Variants in GRIN2A observed in about 807,000 individuals in gnomAD.
GRIN2A encodes the protein glutamate ionotropic receptor NMDA type subunit 2A.
In GRIN2A, 22 loss-of-function variants were observed where a neutral mutation model predicts 113.4. That is an observed-to-expected ratio of 0.19 (90% CI 0.14 to 0.28). GRIN2A has a LOEUF of 0.28. GRIN2A is among the 10% of genes least tolerant of loss of function. GRIN2A has a pLI of 1.00. For missense variants in GRIN2A, 1,502 were observed against 1,887.0 expected, an observed-to-expected ratio of 0.80 and a Z score of 3.78; for synonymous variants, 827 against 738.4, an observed-to-expected ratio of 1.12 and a Z score of -1.94.
At chr16:9,902,387 G>A (rs1439491823) in intron 3 of GRIN2A, among the ~76,000 whole-genome samples, 1 of 152,208 alleles carries the variant, frequency 6.6e-6, no homozygotes, top group Non-Finnish European at 1.5e-5. Flanking sequence ...TTATGATGTG[G>A]AAGCCACTGG....
intron 2 of GRIN2A, among the ~76,000 whole-genome samples, chr16:10,078,557 G>A (rs1040576120): frequency 7.9e-5 from 12 of 152,070 alleles, no homozygotes; most frequent in Admixed American, 5.9e-4. Context: ...CACCTGGCAG[G>A]CCCCCAGCCC....
intron 2 of GRIN2A, among the ~76,000 whole-genome samples, chr16:10,082,990 A>G (rs1428381928): frequency 1.3e-5 from 2 of 152,206 alleles, no homozygotes; most frequent in African/African-American, 4.8e-5. Flanking sequence ...GGCTGACTTG[A>G]TCACAGCATG....
chr16:10,104,886 A>G (rs1388307674), intron 2 of GRIN2A, among the ~76,000 whole-genome samples: 2 of 152,184 alleles, frequency 1.3e-5, no homozygotes, highest in African/African-American at 2.4e-5. Context: ...GATTGACAGG[A>G]AAACCAAAAT....
chr16:10,164,178 T>G (rs1461651837), intron 2 of GRIN2A, among the ~76,000 whole-genome samples: 1 of 152,242 alleles, frequency 6.6e-6, no homozygotes, highest in Non-Finnish European at 1.5e-5. Context: ...CCAATGTGTT[T>G]ACTCACAACC....
chr16:9,846,128 A>C (rs896326180), intron 5 of GRIN2A, among the ~76,000 whole-genome samples: 1 of 152,210 alleles, frequency 6.6e-6, no homozygotes, highest in African/African-American at 2.4e-5. Flanking sequence ...GGTCTGTTTC[A>C]CACAATTATG....
At chr16:10,020,098 GA>G (rs1223348290) in intron 2 of GRIN2A, among the ~76,000 whole-genome samples, 1 of 152,142 alleles carries the variant, frequency 6.6e-6, no homozygotes, top group African/African-American at 2.4e-5. Context: ...AAGCTGGAAG[GA>G]AAAAAACAGT....
intron 2 of GRIN2A, among the ~76,000 whole-genome samples, chr16:9,974,039 T>TA (rs2045727868): frequency 1.3e-5 from 2 of 152,124 alleles, no homozygotes; most frequent in African/African-American, 2.4e-5. Flanking sequence ...TTCTTTTAAT[T>TA]AAAAAAATAC....
intron 2 of GRIN2A, among the ~76,000 whole-genome samples, chr16:9,971,724 A>C (rs2141740363): frequency 6.6e-6 from 1 of 152,352 alleles, no homozygotes; most frequent in South Asian, 2.1e-4. Flanking sequence ...AAACAGCAGA[A>C]GATAGCCAGA....
At chr16:9,962,400 TCAAA>T (rs2045460570) in intron 2 of GRIN2A, among the ~76,000 whole-genome samples, 1 of 151,748 alleles carries the variant, frequency 6.6e-6, no homozygotes. Context: ...TACAATGAAC[TCAAA>T]CAAATTTACA....
chr16:9,866,068 A>C (rs1311619420), intron 4 of GRIN2A, among the ~76,000 whole-genome samples: 1 of 152,188 alleles, frequency 6.6e-6, no homozygotes, highest in Non-Finnish European at 1.5e-5. Context: ...CCTTTACATA[A>C]ACAGTTAGGG....
At chr16:9,892,933 G>GAAAAAAAAAAAA (rs57666918) in intron 3 of GRIN2A, among the ~76,000 whole-genome samples, 1 of 96,570 alleles carries the variant, frequency 1.0e-5, no homozygotes, top group Non-Finnish European at 2.2e-5. Flanking sequence ...GCTAAAAAGT[G>GAAAAAAAAAAAA]AAAAAAAAAA....
chr16:9,883,644 G>A (rs547437026), intron 4 of GRIN2A, among the ~76,000 whole-genome samples: 2 of 152,186 alleles, frequency 1.3e-5, no homozygotes, highest in East Asian at 1.9e-4. Context: ...GGGTACGGGC[G>A]AATAAACATA....
At chr16:10,156,339 A>C (rs1301299729) in intron 2 of GRIN2A, among the ~76,000 whole-genome samples, 1 of 152,230 alleles carries the variant, frequency 6.6e-6, no homozygotes, top group African/African-American at 2.4e-5. Context: ...CCAAACGATT[A>C]AACTGTCACT....
intron 2 of GRIN2A, among the ~76,000 whole-genome samples, chr16:10,011,611 T>C (rs2046507138): frequency 6.6e-6 from 1 of 152,208 alleles, no homozygotes; most frequent in South Asian, 2.1e-4. Context: ...CATGGATCCC[T>C]AGAGAGGCTC....
intron 2 of GRIN2A, among the ~76,000 whole-genome samples, chr16:10,170,863 T>G (rs2050027490): frequency 7.0e-6 from 1 of 143,462 alleles, no homozygotes; most frequent in Admixed American, 7.3e-5. Flanking sequence ...GGCAACAGAG[T>G]GAAACACTGT....
At chr16:9,913,968 A>G (rs1029136540) in intron 3 of GRIN2A, among the ~76,000 whole-genome samples, 2 of 152,164 alleles carry the variant, frequency 1.3e-5, no homozygotes, top group Non-Finnish European at 2.9e-5. Context: ...TTTTCAAAAG[A>G]AAAAAAGAAA....
intron 2 of GRIN2A, among the ~76,000 whole-genome samples, chr16:10,020,001 G>A (rs837708): frequency 0.79 from 120,025 of 152,194 alleles, 48,056 homozygotes; most frequent in Non-Finnish European, 0.85. Flanking sequence ...CGATGGTGGT[G>A]ATCATTTCAC....
intron 2 of GRIN2A, among the ~76,000 whole-genome samples, chr16:10,100,656 G>A (rs2048376519): frequency 6.6e-6 from 1 of 152,160 alleles, no homozygotes. Flanking sequence ...TTAAATGATT[G>A]TCTGTCCACA....
At chr16:10,152,353 G>A (rs2049598997) in intron 2 of GRIN2A, among the ~76,000 whole-genome samples, 1 of 152,194 alleles carries the variant, frequency 6.6e-6, no homozygotes, top group East Asian at 1.9e-4. Context: ...TATTCATGCT[G>A]TTTTCTCCGG....
Sources: allele counts gnomAD v4.1 joint callset (sites outside exome capture counted in the v4.1 genomes callset), GRCh38; gene constraint gnomAD v4.1.1; transcripts MANE v1.5; gene names NCBI Gene and HGNC (gene_info 2026-07-23, HGNC 2026-07-21).